Variants in ZPBP observed in about 807,000 individuals in gnomAD.
ZPBP encodes zona pellucida binding protein, also known as zona pellucida-binding protein 1.
Under a neutral mutation model 44.8 loss-of-function variants are expected in ZPBP, and 26 were observed. The observed-to-expected ratio is 0.58, with a 90% CI of 0.43 to 0.81. ZPBP has a LOEUF of 0.81. Among genes scored for constraint, ZPBP ranks in the 30% least tolerant of loss-of-function variants. The pLI is 0.00. For synonymous variants in ZPBP, 174 were observed against 153.2 expected (o/e 1.14, Z -1.00); for missense variants, 409 against 434.0 (o/e 0.94, Z 0.51).
At chr7:50,040,825 A>T (rs1205275232) in intron 4 of ZPBP, among the ~76,000 whole-genome samples, 1 of 152,016 alleles carries the variant, frequency 6.6e-6, no homozygotes. Context: ...ACTCCCCTGG[A>T]AAGGGGGCTG....
At chr7:49,970,819 G>A (rs888057596) in intron 7 of ZPBP, among the ~76,000 whole-genome samples, 4 of 150,706 alleles carry the variant, frequency 2.7e-5, no homozygotes, top group African/African-American at 9.7e-5. Flanking sequence ...GTTTGAGACT[G>A]GCCTGGGCAA....
At position 49,970,719 on chromosome 7, in the gene ZPBP, G is replaced by C. The variant is rs186648262; in HGVS notation, c.961+12623C>G. ...ATCAAACATTCAAAGGGTCAGTATA[G>C]AAAACATAAAAGCAGCCAGGTGCAG... On this transcript the variant is annotated intron_variant, in intron 7 of 7. Coordinates refer to ENST00000046087, the MANE Select transcript of ZPBP (RefSeq NM_007009.3). Among the ~76,000 whole-genome samples the C allele has an allele frequency of 9.2e-5, 14 of 151,726 alleles. No individual in the cohort carries two copies. In the East Asian group the frequency reaches 2.3e-3, roughly 25 times the overall value.
chr7:49,953,133 AG>A (rs34154279), intron 7 of ZPBP, among the ~76,000 whole-genome samples: 1 of 152,258 alleles, frequency 6.6e-6, no homozygotes, highest in Non-Finnish European at 1.5e-5. Flanking sequence ...ATTATGTTAC[AG>A]GGAACTAAGG....
rs1003994130 is a variant in ZPBP, at chr7:49,857,199, A to G, written n.510-6685T>C. Among the ~76,000 whole-genome samples the G allele has an allele frequency of 4.0e-5, 6 of 151,730 alleles. No homozygotes were observed. In the South Asian group the frequency reaches 6.3e-4, roughly 16 times the overall value. On this transcript the variant is annotated intron_variant and non_coding_transcript_variant, in intron 2 of 2. Transcript: ENST00000465922. ...AACTTTCTACTTACCCCTACCCCCA[A>G]CCCCTGGCAACCACCATTCTGGTTC...
intron 6 of ZPBP, among the ~76,000 whole-genome samples, chr7:49,995,311 T>C (rs867535069): frequency 1.3e-5 from 2 of 152,178 alleles, no homozygotes; most frequent in African/African-American, 2.4e-5. Context: ...TGAGGGTGTA[T>C]TGCTGGTTTT....
intron 6 of ZPBP, among the ~76,000 whole-genome samples, chr7:50,009,682 A>G (rs2128800027): frequency 6.6e-6 from 1 of 152,232 alleles, no homozygotes; most frequent in South Asian, 2.1e-4. Flanking sequence ...AGAGGAAACA[A>G]TGAAACTATC....
chr7:50,043,381 C>CA, intron 4 of ZPBP, among the ~76,000 whole-genome samples: 1 of 152,180 alleles, frequency 6.6e-6, no homozygotes, highest in Non-Finnish European at 1.5e-5. Context: ...TTAGGGTCTC[C>CA]ATGACCTAAA....
intron 1 of ZPBP, among the ~76,000 whole-genome samples, chr7:49,905,595 C>CA (rs1380806859): frequency 2.0e-5 from 3 of 152,176 alleles, no homozygotes; most frequent in African/African-American, 7.2e-5. Context: ...TTGTAAACTA[C>CA]AATACAATAG....
intron 4 of ZPBP, among the ~76,000 whole-genome samples, chr7:50,050,322 A>G (rs1411814139): frequency 6.6e-6 from 1 of 152,128 alleles, no homozygotes; most frequent in Non-Finnish European, 1.5e-5. Flanking sequence ...TCTTGAAAAG[A>G]ACTTTCTCCT....
At chr7:50,025,632 T>C (rs570704596) in intron 5 of ZPBP, among the ~76,000 whole-genome samples, 38 of 151,928 alleles carry the variant, frequency 2.5e-4, no homozygotes, top group African/African-American at 8.7e-4. Flanking sequence ...CTTCATAATA[T>C]AATCACAGAC....
chr7:49,957,442 G>A (rs907616531), intron 7 of ZPBP, among the ~76,000 whole-genome samples: 1 of 152,176 alleles, frequency 6.6e-6, no homozygotes, highest in African/African-American at 2.4e-5. Flanking sequence ...ATCGAGGCTT[G>A]CTTCCCAGGG....
chr7:50,032,927 T>G (rs984445048), intron 4 of ZPBP, among the ~76,000 whole-genome samples: 1 of 152,190 alleles, frequency 6.6e-6, no homozygotes, highest in African/African-American at 2.4e-5. Context: ...ACAATTAGAC[T>G]GGGTAAGAAT....
chr7:49,954,384 G>A (rs960732678), intron 7 of ZPBP, among the ~76,000 whole-genome samples: 4 of 152,082 alleles, frequency 2.6e-5, no homozygotes, highest in Non-Finnish European at 5.9e-5. Context: ...CTTTCATACA[G>A]CAACAAATGC....
chr7:50,033,406 C>T (rs896556905), intron 4 of ZPBP, among the ~76,000 whole-genome samples: 6 of 152,084 alleles, frequency 3.9e-5, no homozygotes, highest in Non-Finnish European at 5.9e-5. Context: ...GGAAAAACTG[C>T]CCAAGTACCC....
intron 6 of ZPBP, among the ~76,000 whole-genome samples, chr7:50,006,684 G>T (rs1383151394): frequency 1.3e-5 from 2 of 151,738 alleles, no homozygotes; most frequent in Non-Finnish European, 2.9e-5. Context: ...TATAGCAACA[G>T]GAAAATAATT....
downstream of ZPBP, among the ~76,000 whole-genome samples, chr7:49,934,261 T>A (rs758370155): frequency 2.0e-5 from 3 of 152,148 alleles, no homozygotes; most frequent in Non-Finnish European, 4.4e-5. Flanking sequence ...CTAAAAAGAA[T>A]CATTCTCTGG....
chr7:50,075,533 G>C (rs564271172), intron 3 of ZPBP, among the ~76,000 whole-genome samples: 29 of 151,622 alleles, frequency 1.9e-4, no homozygotes, highest in Non-Finnish European at 3.5e-4. Flanking sequence ...CTAAGAAAGA[G>C]AGAAGATCCA....
intron 7 of ZPBP, among the ~76,000 whole-genome samples, chr7:49,938,318 A>T (rs534139539): frequency 6.6e-6 from 1 of 152,278 alleles, no homozygotes; most frequent in Non-Finnish European, 1.5e-5. Context: ...TATTAATCTA[A>T]TTTAATTCAG....
intron 4 of ZPBP, among the ~76,000 whole-genome samples, chr7:50,052,514 G>A (rs1241415224): frequency 6.6e-6 from 1 of 152,070 alleles, no homozygotes; most frequent in Non-Finnish European, 1.5e-5. Flanking sequence ...AATACAAAAT[G>A]GTACAGCCAT....
Sources: gnomAD v4.1 joint callset for allele counts (sites outside exome capture counted in the v4.1 genomes callset) on GRCh38, gnomAD v4.1.1 for gene constraint, MANE v1.5 for transcripts, NCBI Gene and HGNC (gene_info 2026-07-23, HGNC 2026-07-21) for gene names.